ATP8A2: variants seen among roughly 807,000 people sequenced by gnomAD.
The protein encoded by ATP8A2 is ATPase phospholipid transporting 8A2, also known as phospholipid-transporting ATPase IB.
In ATP8A2, 100 loss-of-function variants were observed where a neutral mutation model predicts 165.6. The observed-to-expected ratio is 0.60, with a 90% CI of 0.51 to 0.71. The LOEUF (loss-of-function observed/expected upper bound fraction) is 0.71, where lower values mean the gene tolerates loss of function less well. Ranked by LOEUF, ATP8A2 falls within the 30% of genes least tolerant of loss-of-function variation. The probability of loss-of-function intolerance (pLI) is 0.00; values close to 1 mark genes in which losing one functional copy is unlikely to be tolerated. For missense variants in ATP8A2, 1,227 were observed against 1,479.5 expected (o/e 0.83, Z 2.80); for synonymous variants, 543 against 548.8 (o/e 0.99, Z 0.15).
At chr13:25,812,279 C>A (rs2138518971) in intron 27 of ATP8A2, among the ~76,000 whole-genome samples, 1 of 150,906 alleles carries the variant, frequency 6.6e-6, no homozygotes, top group Admixed American at 6.6e-5. Flanking sequence ...TCTTGTCCCC[C>A]TTCCCCTTCC....
At chr13:25,436,504 G>A (rs2034780307) in intron 1 of ATP8A2, among the ~76,000 whole-genome samples, 1 of 151,982 alleles carries the variant, frequency 6.6e-6, no homozygotes, top group Non-Finnish European at 1.5e-5. Context: ...CTTTATCCAG[G>A]CCACCACTGA....
intron 1 of ATP8A2, among the ~76,000 whole-genome samples, chr13:25,450,687 A>G (rs1219764576): frequency 6.6e-6 from 1 of 151,958 alleles, no homozygotes; most frequent in Non-Finnish European, 1.5e-5. Context: ...GCCCGCCACC[A>G]TGCCCGGCTA....
chr13:25,576,131 G>A (rs2039612170), intron 19 of ATP8A2, among the ~76,000 whole-genome samples: 1 of 152,130 alleles, frequency 6.6e-6, no homozygotes, highest in Non-Finnish European at 1.5e-5. Flanking sequence ...TGCTAGGAGT[G>A]CCCACCTCTA....
Position 25,769,047 on chromosome 13 carries a change from G to C in ATP8A2, c.2386G>C (p.Val796Leu), listed in dbSNP as rs2044558327. 1.2e-6 allele frequency: 2 copies of C among 1,614,046 alleles called. No homozygotes were observed. The highest frequency in any genetic ancestry group is 2.7e-5 in the African/African-American group (2 of 75,048). ...TGATTTCCCTCTCTTTTCTCACAGA[G>C]TGTCTCCTCTGCAGAAGTCTGAGAT... Reference protein sequence around the residue: ...LSCKAVICCRVSPLQKSEIVD... With the variant: ...LSCKAVICCRLSPLQKSEIVD... The change falls in exon 26 of 37, where the codon GTG (valine) becomes CTG (leucine). Residue 796 changes from valine (V) to leucine (L), a missense_variant and splice_region_variant. Val to Leu is a conservative substitution (Grantham distance 32). Coordinates refer to ENST00000381655, the MANE Select transcript of ATP8A2 (RefSeq NM_016529.6).
intron 33 of ATP8A2, among the ~76,000 whole-genome samples, chr13:25,882,911 A>ATGT (rs1194420759): frequency 6.6e-6 from 1 of 151,198 alleles, no homozygotes; most frequent in Non-Finnish European, 1.5e-5. Context: ...GATGATGATG[A>ATGT]TGATGATGAT....
At chr13:25,806,333 A>C (rs1950740059) in intron 27 of ATP8A2, among the ~76,000 whole-genome samples, 1 of 152,040 alleles carries the variant, frequency 6.6e-6, no homozygotes, top group Non-Finnish European at 1.5e-5. Context: ...CTGTGGGTGG[A>C]GTTTTTTGGC....
At chr13:25,559,569 A>G (rs2039081217) in intron 14 of ATP8A2, 152 bp from the exon 15 acceptor site, 1 of 636,398 alleles carries the variant, frequency 1.6e-6, no homozygotes, top group Admixed American at 2.8e-5. Context: ...CAACAAAAAA[A>G]GTGGTTTATT....
chr13:25,649,058 G>T (rs1330989923), intron 24 of ATP8A2: 1 of 502,056 alleles, frequency 2.0e-6, no homozygotes, highest in East Asian at 5.6e-5. Flanking sequence ...GAGATGTCAT[G>T]ATTTCTTCCT....
At chr13:25,538,182 C>A in intron 7 of ATP8A2, 121 bp downstream of exon 7, 1 of 593,628 alleles carries the variant, frequency 1.7e-6, no homozygotes, top group Non-Finnish European at 3.0e-6. Flanking sequence ...CTGTCCCATT[C>A]TTCCATTTCT....
intron 24 of ATP8A2, among the ~76,000 whole-genome samples, chr13:25,611,635 G>A (rs1159441481): frequency 1.3e-5 from 2 of 152,032 alleles, no homozygotes; most frequent in African/African-American, 4.8e-5. Context: ...TCCTCATTTT[G>A]GTATTAGGGT....
intron 33 of ATP8A2, among the ~76,000 whole-genome samples, chr13:25,920,913 C>G (rs1050919852): frequency 3.3e-5 from 5 of 151,900 alleles, no homozygotes; most frequent in African/African-American, 1.2e-4. Flanking sequence ...ACTAAAAATA[C>G]AAAAAAATTA....
chr13:25,395,679 G>C (rs577248900), intron 1 of ATP8A2, among the ~76,000 whole-genome samples: 2 of 152,182 alleles, frequency 1.3e-5, no homozygotes, highest in East Asian at 3.9e-4. Flanking sequence ...AGAACTACAG[G>C]CATGTGCCAC....
At position 25,860,257 on chromosome 13, in the gene ATP8A2, G is replaced by A. The variant is rs1952305619; in HGVS notation, c.3018+1G>A. 2 of 1,603,946 alleles carry A rather than the reference G, an allele frequency of 1.2e-6. No individual in the cohort carries two copies. Among genetic ancestry groups the A allele is most frequent in the Non-Finnish European group, 1.7e-6 (2 of 1,171,368 alleles). On this transcript the variant is annotated splice_donor_variant, in intron 31 of 36. Coordinates refer to ENST00000381655, the MANE Select transcript of ATP8A2 (RefSeq NM_016529.6). LOFTEE classifies it high-confidence loss of function. Reference sequence around the variant, plus strand: ...ATTTGTTGGAAATATTGTTTACACAGTAAGTTTATCTCTGTTTATTAAGCC... The same window carrying A: ...ATTTGTTGGAAATATTGTTTACACAATAAGTTTATCTCTGTTTATTAAGCC...
intron 24 of ATP8A2, among the ~76,000 whole-genome samples, chr13:25,694,188 C>T (rs948413241): frequency 2.0e-5 from 3 of 152,196 alleles, no homozygotes; most frequent in African/African-American, 7.2e-5. Context: ...GAGAAAGCTG[C>T]CTTCCTAAGA....
chr13:25,505,851 A>T (rs996541709), intron 2 of ATP8A2, among the ~76,000 whole-genome samples: 1 of 152,222 alleles, frequency 6.6e-6, no homozygotes, highest in African/African-American at 2.4e-5. Context: ...GCCTTCCTTT[A>T]TATTCTCCTA....
chr13:25,650,824 C>G (rs2041795019), intron 24 of ATP8A2, among the ~76,000 whole-genome samples: 1 of 152,148 alleles, frequency 6.6e-6, no homozygotes, highest in Non-Finnish European at 1.5e-5. Flanking sequence ...ACCAATCTAG[C>G]TTTCCTAGAA....
At chr13:25,500,584 C>T (rs1366400675) in intron 2 of ATP8A2, among the ~76,000 whole-genome samples, 1 of 150,678 alleles carries the variant, frequency 6.6e-6, no homozygotes, top group Non-Finnish European at 1.5e-5. Context: ...ACTTGAGGCC[C>T]AATATATAAT....
intron 24 of ATP8A2, among the ~76,000 whole-genome samples, chr13:25,636,197 TCAAA>T (rs2041363235): frequency 6.6e-6 from 1 of 152,162 alleles, no homozygotes; most frequent in Non-Finnish European, 1.5e-5. Context: ...AGCTTTTGTC[TCAAA>T]CAACTTAGTG....
chr13:25,800,037 T>A (rs746448383), intron 27 of ATP8A2, among the ~76,000 whole-genome samples: 2 of 152,232 alleles, frequency 1.3e-5, no homozygotes, highest in African/African-American at 2.4e-5. Context: ...TAATGTACCG[T>A]CCATTGCTTT....
Sources: allele counts gnomAD v4.1 joint callset (sites outside exome capture counted in the v4.1 genomes callset), GRCh38; gene constraint gnomAD v4.1.1; transcripts MANE v1.5; gene names NCBI Gene and HGNC (gene_info 2026-07-23, HGNC 2026-07-21).